TCF12: variants seen among roughly 807,000 people sequenced by gnomAD.
TCF12 encodes the protein DNA-binding protein HTF4.
In TCF12, 45 loss-of-function variants were observed where a neutral mutation model predicts 86.0. The ratio of observed to expected loss-of-function variants is 0.52; its 90% CI spans 0.41 to 0.67. The LOEUF (loss-of-function observed/expected upper bound fraction) is 0.67, where lower values mean the gene tolerates loss of function less well. Among genes scored for constraint, TCF12 ranks in the 30% least tolerant of loss-of-function variants. The probability of loss-of-function intolerance (pLI) is 0.00; values close to 1 mark genes in which losing one functional copy is unlikely to be tolerated. For missense variants in TCF12, 881 were observed against 859.9 expected (o/e 1.02, Z -0.31); for synonymous variants, 330 against 299.6 (o/e 1.10, Z -1.05).
intron 8 of TCF12, among the ~76,000 whole-genome samples, chr15:57,198,513 A>T (rs2057380547): frequency 6.6e-6 from 1 of 152,210 alleles, no homozygotes; most frequent in South Asian, 2.1e-4. Context: ...TGATAATCTA[A>T]TACTGTAGGG....
At chr15:57,208,479 C>G (rs1164805145) in intron 8 of TCF12, among the ~76,000 whole-genome samples, 2 of 143,346 alleles carry the variant, frequency 1.4e-5, no homozygotes, top group Non-Finnish European at 3.0e-5. Flanking sequence ...ACCTCCTGGG[C>G]TCAAGTGATC....
At chr15:56,939,708 A>C (rs1383764836) in intron 3 of TCF12, among the ~76,000 whole-genome samples, 1 of 151,160 alleles carries the variant, frequency 6.6e-6, no homozygotes, top group Non-Finnish European at 1.5e-5. Flanking sequence ...CATTCCCCAA[A>C]TTGCATTTTC....
At chr15:56,989,119 A>G (rs1392211256) in intron 3 of TCF12, among the ~76,000 whole-genome samples, 1 of 152,140 alleles carries the variant, frequency 6.6e-6, no homozygotes, top group Non-Finnish European at 1.5e-5. Flanking sequence ...TTCTCTGCAT[A>G]TATTACATAT....
intron 8 of TCF12, among the ~76,000 whole-genome samples, chr15:57,203,137 A>G (rs1347946685): frequency 6.6e-6 from 1 of 152,246 alleles, no homozygotes; most frequent in Non-Finnish European, 1.5e-5. Flanking sequence ...TTTGTTGTTT[A>G]GAAAGCATTC....
intron 4 of TCF12, among the ~76,000 whole-genome samples, chr15:57,075,834 CTTT>C (rs748324616): frequency 3.1e-3 from 151 of 48,698 alleles, no homozygotes; most frequent in East Asian, 9.4e-3. Flanking sequence ...CTCTCTCTCT[CTTT>C]TCTTTCTTTC....
intron 19 of TCF12, among the ~76,000 whole-genome samples, chr15:57,280,288 A>G (rs2061628253): frequency 6.6e-6 from 1 of 152,212 alleles, no homozygotes; most frequent in Admixed American, 6.5e-5. Flanking sequence ...TATTTTTTGC[A>G]TAATGATGAA....
intron 4 of TCF12, among the ~76,000 whole-genome samples, chr15:57,088,294 G>C (rs1311673930): frequency 6.6e-6 from 1 of 152,082 alleles, no homozygotes; most frequent in Non-Finnish European, 1.5e-5. Flanking sequence ...TCTGGTTTAT[G>C]ACATTTTCCC....
intron 5 of TCF12, among the ~76,000 whole-genome samples, chr15:57,131,937 G>A (rs1436741266): frequency 6.6e-6 from 1 of 152,100 alleles, no homozygotes; most frequent in Non-Finnish European, 1.5e-5. Context: ...TAAAGTGAAT[G>A]GTGTATAATA....
intron 3 of TCF12, among the ~76,000 whole-genome samples, chr15:56,947,664 G>A (rs897331922): frequency 3.9e-5 from 6 of 152,260 alleles, no homozygotes; most frequent in Non-Finnish European, 7.4e-5. Context: ...GCAGTAGAAG[G>A]TTTATCTAGT....
Position 57,231,715 on chromosome 15 carries a change from G to A in TCF12, c.685+458G>A, listed in dbSNP as rs141556629. Among the ~76,000 whole-genome samples the A allele has an allele frequency of 3.9e-3, 599 of 152,140 alleles. 2 individuals carry two copies. The highest frequency in any genetic ancestry group is 0.014 in the African/African-American group (580 of 41,520). On this transcript the variant is annotated intron_variant, in intron 9 of 20. Transcript: ENST00000333725. ...ATGTCTAGCAAATCATTTTTATTTG[G>A]TCTCCTGTGGTTTTGGACTATGGGA...
chr15:57,251,690 A>G lies in TCF12; in HGVS notation c.1188+267A>G, dbSNP rs189971710. On this transcript the variant is annotated intron_variant, in intron 14 of 20. Coordinates refer to ENST00000333725, the MANE Select transcript of TCF12 (RefSeq NM_207037.2). The stretch of plus-strand genomic sequence containing the variant: ...GTTTCTTTGACAAATCTAGGGCTTA[A>G]TCTTTCTATGCTTCTATGTCTACAT... 3.9e-5 allele frequency among the ~76,000 whole-genome samples: 6 copies of G among 152,314 alleles called. No homozygotes were observed. The East Asian group carries it at 1.2e-3, about 29-fold the overall frequency.
chr15:57,263,003 C>T (rs2152059787), intron 17 of TCF12, 109 bp from the exon 18 acceptor site: 1 of 1,147,432 alleles, frequency 8.7e-7, no homozygotes, highest in Non-Finnish European at 1.2e-6. Flanking sequence ...CCATCATAAC[C>T]CTGTAACTGC....
chr15:57,252,363 T>G, intron 14 of TCF12, 58 bp from the exon 15 acceptor site: 1 of 1,340,402 alleles, frequency 7.5e-7, no homozygotes, highest in Non-Finnish European at 1.1e-6. Flanking sequence ...TTTCCTCATC[T>G]CTTTTGGAGT....
chr15:57,227,108 C>T (rs1285885412), intron 8 of TCF12, among the ~76,000 whole-genome samples: 1 of 152,154 alleles, frequency 6.6e-6, no homozygotes, highest in African/African-American at 2.4e-5. Flanking sequence ...TATCAGCCAC[C>T]ACACAGGCTG....
intron 4 of TCF12, among the ~76,000 whole-genome samples, chr15:57,079,361 T>C (rs2070422557): frequency 6.6e-6 from 1 of 152,152 alleles, no homozygotes; most frequent in Admixed American, 6.5e-5. Context: ...ACTAGAATCA[T>C]GGCCATGGAA....
chr15:57,084,002 A>G (rs2048473271), intron 4 of TCF12, among the ~76,000 whole-genome samples: 2 of 152,182 alleles, frequency 1.3e-5, no homozygotes, highest in Admixed American at 1.3e-4. Flanking sequence ...ACTTTAAAAT[A>G]TGTTATCCTC....
intron 12 of TCF12, among the ~76,000 whole-genome samples, chr15:57,234,413 G>A (rs1195423593): frequency 2.0e-5 from 3 of 152,224 alleles, no homozygotes; most frequent in Non-Finnish European, 1.5e-5. Flanking sequence ...GTGGAACCAC[G>A]AAAGATAACT....
intron 3 of TCF12, among the ~76,000 whole-genome samples, chr15:57,007,793 TCTTTCTTTCTTTCTTTC>T (rs2064502695): frequency 4.1e-5 from 1 of 24,266 alleles, no homozygotes; most frequent in Non-Finnish European, 9.2e-5. Context: ...TTTCTTTCTC[TCTTTCTTTCTTTCTTTC>T]TTTCTTTCTT....
intron 7 of TCF12, among the ~76,000 whole-genome samples, chr15:57,195,364 CTAAT>C (rs758708159): frequency 3.3e-5 from 5 of 152,162 alleles, no homozygotes; most frequent in Non-Finnish European, 7.4e-5. Context: ...CTGGCCTAAA[CTAAT>C]CTTTTACTAA....
Sources: gnomAD v4.1 joint callset for allele counts (sites outside exome capture counted in the v4.1 genomes callset) on GRCh38, gnomAD v4.1.1 for gene constraint, MANE v1.5 for transcripts, NCBI Gene and HGNC (gene_info 2026-07-23, HGNC 2026-07-21) for gene names.